Variants in MMEL1 observed in about 807,000 individuals in gnomAD.
MMEL1 encodes the protein membrane metallo-endopeptidase-like 1.
A neutral mutation model predicts 117.1 loss-of-function variants in MMEL1; 98 were observed. The observed-to-expected ratio is 0.84, with a 90% CI of 0.71 to 0.99. The LOEUF is 0.99. MMEL1 is among the 50% of genes least tolerant of loss of function. The probability of loss-of-function intolerance (pLI) is 0.00; values close to 1 mark genes in which losing one functional copy is unlikely to be tolerated. For synonymous variants in MMEL1, 390 were observed against 415.1 expected, an observed-to-expected ratio of 0.94 and a Z score of 0.74; for missense variants, 1,014 against 1,049.1, an observed-to-expected ratio of 0.97 and a Z score of 0.46.
chr1:2,610,402 C>A (rs965183966), intron 4 of MMEL1, among the ~76,000 whole-genome samples: 2 of 152,090 alleles, frequency 1.3e-5, no homozygotes, highest in African/African-American at 4.8e-5. Flanking sequence ...TCTGTGAATC[C>A]GGGAACACCA....
In MMEL1 at chr1:2,595,228, C is replaced by CAT; in HGVS notation, c.1584+46_1584+47dup. On this transcript the variant is annotated intron_variant, in intron 16 of 23. Transcript: ENST00000378412. The surrounding 1 kb of genome is among the most constrained non-coding windows in gnomAD (Gnocchi z 4.8). ...GAGGAGCCCCCAGGCAATCAGGGCCCATGTCCACGGTGTGGGGGGCAGTTT... is the reference window on the plus strand; with the variant it reads ...GAGGAGCCCCCAGGCAATCAGGGCCCATATGTCCACGGTGTGGGGGGCAGTTT... The CAT allele has an allele frequency of 6.5e-7, 1 of 1,536,872 alleles. No homozygotes were observed. The highest frequency in any genetic ancestry group is 9.0e-7 in the Non-Finnish European group (1 of 1,113,682).
At position 2,597,494 on chromosome 1, in the gene MMEL1, C is replaced by T. The variant is rs114405077; in HGVS notation, c.1272+713G>A. ...CCTATACCCAATCCCTCAGCTGCTG[C>T]GGTCAACACCTCCCCTGCGTCTGTG... On this transcript the variant is annotated intron_variant, in intron 13 of 23. Transcript: ENST00000378412. 7.0e-3 allele frequency among the ~76,000 whole-genome samples: 1,064 copies of T among 152,230 alleles called. 13 individuals carry two copies. The highest frequency in any genetic ancestry group is 0.024 in the African/African-American group (1,002 of 41,550).
chr1:2,599,000 AG>A (rs997657618), intron 11 of MMEL1, among the ~76,000 whole-genome samples: 21 of 152,254 alleles, frequency 1.4e-4, no homozygotes, highest in African/African-American at 5.1e-4. Flanking sequence ...CGAAAGCCTA[AG>A]TATAACAGGC....
intron 2 of MMEL1, among the ~76,000 whole-genome samples, chr1:2,621,017 G>A (rs1645281595): frequency 6.6e-6 from 1 of 152,192 alleles, no homozygotes; most frequent in South Asian, 2.1e-4. Context: ...AGGCGTGATG[G>A]CTCACACCTA....
intron 2 of MMEL1, among the ~76,000 whole-genome samples, chr1:2,628,588 A>T (rs1638383213): frequency 6.8e-6 from 1 of 147,708 alleles, no homozygotes; most frequent in African/African-American, 2.5e-5. Flanking sequence ...GTGCCTGCGG[A>T]GGGGCTGGCA....
intron 2 of MMEL1, among the ~76,000 whole-genome samples, chr1:2,616,383 T>C (rs1411478930): frequency 6.9e-6 from 1 of 144,824 alleles, no homozygotes; most frequent in African/African-American, 2.6e-5. Flanking sequence ...AGACACATTA[T>C]ATTGAGGGGA....
intron 18 of MMEL1, 64 bp downstream of exon 18, chr1:2,594,321 G>A (rs1467519410): frequency 1.3e-6 from 2 of 1,505,754 alleles, no homozygotes; most frequent in Non-Finnish European, 1.8e-6. Context: ...GCAGGGGGCT[G>A]CAAGCCACCC....
At position 2,598,784 on chromosome 1, in the gene MMEL1, T is replaced by G; in HGVS notation, c.1048A>C (p.Asn350His). The G allele has an allele frequency of 6.2e-7, 1 of 1,612,422 alleles. No individual in the cohort carries two copies. The highest frequency in any genetic ancestry group is 8.5e-7 in the Non-Finnish European group (1 of 1,178,764). ...LQSQFGLKGF[N>H]WTLFIQTVLS... ...ACAGTTTGTATGAACAGAGTCCAGTTAAATCCCTGCAGATAGAGGAAGTGG... is the reference window on the plus strand; with the variant it reads ...ACAGTTTGTATGAACAGAGTCCAGTGAAATCCCTGCAGATAGAGGAAGTGG... The change falls in exon 12 of 24, where the codon AAC (asparagine) becomes CAC (histidine). Residue 350 changes from asparagine (N) to histidine (H), a missense_variant. Asn to His is a moderately conservative substitution (Grantham distance 68, BLOSUM62 1). Coordinates refer to ENST00000378412, the MANE Select transcript of MMEL1 (RefSeq NM_033467.4).
chr1:2,616,769 T>A (rs1004015758), intron 2 of MMEL1, among the ~76,000 whole-genome samples: 10 of 152,214 alleles, frequency 6.6e-5, no homozygotes, highest in Non-Finnish European at 1.2e-4. Flanking sequence ...TCTAGTCAGA[T>A]GTATCCAGAA....
At chr1:2,603,141 A>G (rs1396895842) in intron 11 of MMEL1, among the ~76,000 whole-genome samples, 1 of 152,160 alleles carries the variant, frequency 6.6e-6, no homozygotes, top group East Asian at 1.9e-4. Flanking sequence ...GGCTCTCCCC[A>G]GAGTCTCTCT....
Position 2,591,538 on chromosome 1 carries a change from G to A in MMEL1, c.2240+19C>T. 3 of 1,608,902 alleles carry A rather than the reference G, an allele frequency of 1.9e-6. No individual in the cohort carries two copies. Among genetic ancestry groups the A allele is most frequent in the Non-Finnish European group, 2.6e-6 (3 of 1,175,540 alleles). On this transcript the variant is annotated intron_variant, in intron 23 of 23. Coordinates refer to ENST00000378412, the MANE Select transcript of MMEL1 (RefSeq NM_033467.4). The stretch of plus-strand genomic sequence containing the variant: ...GGGGGTTGTGGGTGGCAAGGGGGTT[G>A]TGAGCATGGGAGACTTGCCTGTACT...
At position 2,596,039 on chromosome 1, in the gene MMEL1, G is replaced by A. The variant is rs117851776; in HGVS notation, c.1470C>T (p.Asp490=). Residue 490 remains aspartate (D), a synonymous_variant, in exon 15 of 24, where the codon GAC becomes GAT. Transcript: ENST00000378412. ...CCTGCGCCTTCTTCTTGGACTCCTC[G>A]TCCATCCAGCCCAGCTCGTCCAGCG... ...VETLDELGWM[D]EESKKKAQEK... is the part of the protein sequence containing the mutation. 1.4e-4 allele frequency: 222 copies of A among 1,613,900 alleles called. 1 individual carries two copies. In the East Asian group the frequency reaches 4.0e-3, roughly 29 times the overall value.
At chr1:2,603,576 C>G (rs1292894859) in intron 11 of MMEL1, among the ~76,000 whole-genome samples, 2 of 152,150 alleles carry the variant, frequency 1.3e-5, no homozygotes, top group African/African-American at 4.8e-5. Flanking sequence ...TGTACACCCC[C>G]ACACATCAGC....
chr1:2,606,837 T>A, intron 7 of MMEL1, 137 bp downstream of exon 7: 1 of 762,470 alleles, frequency 1.3e-6, no homozygotes, highest in Non-Finnish European at 2.2e-6. Context: ...CCGGCTGGGT[T>A]GGGCCTCTTG....
At chr1:2,631,002 C>T (rs756118386) in intron 1 of MMEL1, among the ~76,000 whole-genome samples, 17 of 146,956 alleles carry the variant, frequency 1.2e-4, no homozygotes, top group East Asian at 6.3e-4. Context: ...TGCACCTGTG[C>T]GTGTGCGCTC....
rs546137537 is a variant in MMEL1, at chr1:2,595,878, C to T, written c.1500+131G>A. ...TCTGCGCCTCCCGGGGCTGCCTTCT[C>T]CCCGTGGGGTCCTGTCTGCGCCTCC... On this transcript the variant is annotated intron_variant, in intron 15 of 23. Coordinates refer to ENST00000378412, the MANE Select transcript of MMEL1 (RefSeq NM_033467.4). This position sits in a 1 kb window ranked among gnomAD's most constrained non-coding sequence, Gnocchi z 4.8. 416 of 690,800 alleles carry T rather than the reference C, an allele frequency of 6.0e-4. 2 individuals are homozygous for T. The Middle Eastern group carries it at 0.014, about 24-fold the overall frequency. The allele number at this position is 690,800 out of a possible 1,614,324, so 42.8% of individuals were successfully genotyped here. A position where few individuals can be genotyped will look rare whatever the true frequency, so the allele number is the denominator to read the frequency against.
intron 2 of MMEL1, among the ~76,000 whole-genome samples, chr1:2,616,398 C>G (rs952579956): frequency 1.5e-5 from 2 of 137,032 alleles, no homozygotes; most frequent in African/African-American, 5.5e-5. Flanking sequence ...AGGGGAACAA[C>G]AGTAAGAATG....
At position 2,592,678 on chromosome 1, in the gene MMEL1, C is replaced by G. The variant is rs776012302; in HGVS notation, c.2044G>C (p.Gly682Arg). ...NTLGENIADNGGVRQAYKAYL... is the reference protein window; with the variant it reads ...NTLGENIADNRGVRQAYKAYL... ...ACCTTATAGGCTTGCCGCACCCCTCCGTTGTCAGCAATGTTTTCCCCAAGG... is the reference window on the plus strand; with the variant it reads ...ACCTTATAGGCTTGCCGCACCCCTCGGTTGTCAGCAATGTTTTCCCCAAGG... The change falls in exon 21 of 24, where the codon GGA (glycine) becomes CGA (arginine). Residue 682 changes from glycine to arginine, a missense_variant. By Grantham distance (125) the Gly-to-Arg change is moderately radical (BLOSUM62 -2). Coordinates refer to ENST00000378412, the MANE Select transcript of MMEL1 (RefSeq NM_033467.4). The G allele has an allele frequency of 2.5e-6, 4 of 1,601,146 alleles. No individual in the cohort carries two copies. In the Admixed American group the frequency reaches 6.8e-5, roughly 27 times the overall value.
Position 2,612,678 on chromosome 1 carries a change from T to C in MMEL1, c.155-474A>G, listed in dbSNP as rs901250789. On this transcript the variant is annotated intron_variant, in intron 2 of 23. Transcript: ENST00000378412. The surrounding 1 kb of genome is among the most constrained non-coding windows in gnomAD (Gnocchi z 5.4). ...GCTTCCCACTAATGACCCTTGTCCC[T>C]AGCCCCTCCACCCTCACTGCTGCTG... is the stretch of plus-strand genomic sequence containing the variant. Among the ~76,000 whole-genome samples the C allele has an allele frequency of 2.6e-5, 4 of 151,962 alleles. No homozygotes were observed. The highest frequency in any genetic ancestry group is 7.3e-5 in the African/African-American group (3 of 41,350).
Sources: gnomAD v4.1 joint callset for allele counts (sites outside exome capture counted in the v4.1 genomes callset) on GRCh38, gnomAD v4.1.1 for gene constraint, Gnocchi (gnomAD v3.1) non-coding constraint, MANE v1.5 for transcripts, NCBI Gene and HGNC (gene_info 2026-07-23, HGNC 2026-07-21) for gene names.